Variants in PCCA observed in about 807,000 individuals in gnomAD.
PCCA encodes the protein propionyl-CoA carboxylase subunit alpha.
In PCCA, 74 loss-of-function variants were observed where a neutral mutation model predicts 101.3. That is an observed-to-expected ratio of 0.73 (90% CI 0.61 to 0.89). The LOEUF (loss-of-function observed/expected upper bound fraction) is 0.89, where lower values mean the gene tolerates loss of function less well. Ranked by LOEUF, PCCA falls within the 40% of genes least tolerant of loss-of-function variation. The probability of loss-of-function intolerance (pLI) is 0.00; values close to 1 mark genes in which losing one functional copy is unlikely to be tolerated. For missense variants in PCCA, 891 were observed against 907.0 expected (o/e 0.98, Z 0.23); for synonymous variants, 294 against 313.6 (o/e 0.94, Z 0.66).
chr13:100,123,169 C>A (rs1219631282), intron 4 of PCCA, among the ~76,000 whole-genome samples: 1 of 152,204 alleles, frequency 6.6e-6, no homozygotes, highest in East Asian at 1.9e-4. Flanking sequence ...CATTCTCATG[C>A]CTCAGCCTCC....
At chr13:100,440,159 TATA>T (rs2080242209) in intron 20 of PCCA, among the ~76,000 whole-genome samples, 1 of 1,536 alleles carries the variant, frequency 6.5e-4, no homozygotes, top group East Asian at 8.2e-3. Flanking sequence ...TATTAAATTA[TATA>T]TATATATATA....
intron 12 of PCCA, among the ~76,000 whole-genome samples, chr13:100,288,486 G>A (rs758292584): frequency 3.3e-5 from 5 of 152,104 alleles, no homozygotes; most frequent in South Asian, 2.1e-4. Flanking sequence ...TTGTAGAGAC[G>A]AGGTTTCACC....
rs561361639 is a variant in PCCA, at chr13:100,224,102, C to T, written c.601-11740C>T. On this transcript the variant is annotated intron_variant, in intron 7 of 23. Coordinates refer to ENST00000376285, the MANE Select transcript of PCCA (RefSeq NM_000282.4). ...GGACTGGGCACCGTGGAGCAGGGGG[C>T]GGCGCACATCAGGGAGGCTCTGGCC... Among the ~76,000 whole-genome samples, 13 of 152,284 alleles carry T rather than the reference C, an allele frequency of 8.5e-5. No homozygotes were observed. The East Asian group carries it at 1.2e-3, about 14-fold the overall frequency.
chr13:100,433,947 A>G (rs2152905256), intron 20 of PCCA, among the ~76,000 whole-genome samples: 1 of 152,348 alleles, frequency 6.6e-6, no homozygotes. Flanking sequence ...GTCCATTTTA[A>G]TGCTTAGGTT....
At chr13:100,154,073 A>G (rs926222960) in intron 4 of PCCA, among the ~76,000 whole-genome samples, 7 of 152,106 alleles carry the variant, frequency 4.6e-5, no homozygotes, top group African/African-American at 1.4e-4. Context: ...GTGGGTCATA[A>G]ATGTTTAGGT....
chr13:100,169,732 C>CT (rs2055443479), intron 6 of PCCA, among the ~76,000 whole-genome samples: 1 of 147,372 alleles, frequency 6.8e-6, no homozygotes, highest in Admixed American at 6.9e-5. Context: ...TGGAGTTTCG[C>CT]TCTTGTTGCC....
At chr13:100,221,480 A>C (rs2059805095) in intron 7 of PCCA, among the ~76,000 whole-genome samples, 1 of 152,232 alleles carries the variant, frequency 6.6e-6, no homozygotes, top group Non-Finnish European at 1.5e-5. Flanking sequence ...AGGAGGCTGC[A>C]TCTGAATTTG....
At chr13:100,355,881 C>G (rs1325060154) in intron 18 of PCCA, among the ~76,000 whole-genome samples, 1 of 152,000 alleles carries the variant, frequency 6.6e-6, no homozygotes, top group Non-Finnish European at 1.5e-5. Flanking sequence ...TACAAAGCTA[C>G]AATAATCAAG....
At chr13:100,400,801 T>C (rs2077314318) in intron 19 of PCCA, among the ~76,000 whole-genome samples, 2 of 151,940 alleles carry the variant, frequency 1.3e-5, no homozygotes, top group Admixed American at 6.6e-5. Context: ...AATTTGTGTA[T>C]TTTTAGTAGA....
chr13:100,170,482 TA>T, intron 6 of PCCA, among the ~76,000 whole-genome samples: 1 of 152,348 alleles, frequency 6.6e-6, no homozygotes, highest in East Asian at 1.9e-4. Flanking sequence ...TATTTAAGGA[TA>T]TTACAATGTT....
Position 100,274,525 on chromosome 13 carries a change from G to T in PCCA, c.1065+1179G>T, listed in dbSNP as rs150784846. Reference sequence around the variant, plus strand: ...CAGGAGGCCAGAGTCTATCATGCAGGTTCCAGCCGAGTGGGTTCCTTCCTG... The same window carrying T: ...CAGGAGGCCAGAGTCTATCATGCAGTTTCCAGCCGAGTGGGTTCCTTCCTG... On this transcript the variant is annotated intron_variant, in intron 12 of 23. Coordinates refer to ENST00000376285, the MANE Select transcript of PCCA (RefSeq NM_000282.4). 1.9e-3 allele frequency among the ~76,000 whole-genome samples: 284 copies of T among 152,222 alleles called. 4 individuals carry two copies. The East Asian group carries it at 0.033, about 18-fold the overall frequency.
At chr13:100,308,146 G>A (rs2066614681) in intron 15 of PCCA, among the ~76,000 whole-genome samples, 1 of 152,084 alleles carries the variant, frequency 6.6e-6, no homozygotes, top group African/African-American at 2.4e-5. Flanking sequence ...AGCCACAATG[G>A]CCGGCCAGAT....
chr13:100,150,456 A>G (rs2053164711), intron 4 of PCCA: 1 of 879,192 alleles, frequency 1.1e-6, no homozygotes, highest in Non-Finnish European at 1.6e-6. Context: ...TTTATTAGGT[A>G]TGAATTTTAC....
chr13:100,511,473 A>G lies in PCCA; in HGVS notation c.1900-3954A>G, dbSNP rs369252605. 5.9e-5 allele frequency among the ~76,000 whole-genome samples: 9 copies of G among 152,340 alleles called. No individual in the cohort carries two copies. In the South Asian group the frequency reaches 1.0e-3, roughly 18 times the overall value. ...TGCCTCCTTACTTAGTGAGGGGTGCATGGACAGTATTTGGCCAGTGCTTCA... is the reference window on the plus strand; with the variant it reads ...TGCCTCCTTACTTAGTGAGGGGTGCGTGGACAGTATTTGGCCAGTGCTTCA... On this transcript the variant is annotated intron_variant, in intron 21 of 23. Coordinates refer to ENST00000376285, the MANE Select transcript of PCCA (RefSeq NM_000282.4).
chr13:100,457,506 A>G (rs1421401233), intron 21 of PCCA, among the ~76,000 whole-genome samples: 1 of 152,178 alleles, frequency 6.6e-6, no homozygotes, highest in Non-Finnish European at 1.5e-5. Context: ...TTGTCTTTGT[A>G]CCATTTCCCT....
rs965293674 is a variant in PCCA at position 100,111,178 on chromosome 13, CTTTTTTTTTTT to C, written c.184-647_184-637del. On this transcript the variant is annotated intron_variant, in intron 2 of 23. Transcript: ENST00000376285. ...AGGCGCGTACCACTAGACCCAGCTCCTTTTTTTTTTTTTTTTTTTTTTTTTTGTATTTTTAG... is the reference window on the plus strand; with the variant it reads ...AGGCGCGTACCACTAGACCCAGCTCCTTTTTTTTTTTTTTTGTATTTTTAG... Among the ~76,000 whole-genome samples, 227 of 98,534 alleles carry C rather than the reference CTTTTTTTTTTT, an allele frequency of 2.3e-3. 2 individuals are homozygous for C. Among genetic ancestry groups the C allele is most frequent in the Middle Eastern group, 6.9e-3 (1 of 144 alleles). 64.6% of individuals were successfully genotyped at this position (98,534 alleles called of 152,430 possible). A position where few individuals can be genotyped will look rare whatever the true frequency, so the allele number is the denominator to read the frequency against.
At chr13:100,486,983 C>T (rs986716121) in intron 21 of PCCA, among the ~76,000 whole-genome samples, 4 of 152,170 alleles carry the variant, frequency 2.6e-5, no homozygotes, top group African/African-American at 9.7e-5. Flanking sequence ...AGTTGCCGAA[C>T]TTGAGCGGAA....
intron 7 of PCCA, among the ~76,000 whole-genome samples, chr13:100,225,725 A>G (rs1462200835): frequency 6.6e-6 from 1 of 152,236 alleles, no homozygotes; most frequent in Non-Finnish European, 1.5e-5. Context: ...ATTTTGGAAA[A>G]AAAGACTCAA....
intron 19 of PCCA, among the ~76,000 whole-genome samples, chr13:100,376,878 G>C (rs1434837979): frequency 6.6e-6 from 1 of 152,210 alleles, no homozygotes; most frequent in African/African-American, 2.4e-5. Flanking sequence ...CAGCTAGCTT[G>C]GTGTCTGCCC....
Sources: gnomAD v4.1 joint callset for allele counts (sites outside exome capture counted in the v4.1 genomes callset) on GRCh38, gnomAD v4.1.1 for gene constraint, MANE v1.5 for transcripts, NCBI Gene and HGNC (gene_info 2026-07-23, HGNC 2026-07-21) for gene names.